The following EEF1AKMT4 variants were observed in gnomAD, a reference collection of about 807,000 sequenced individuals.
EEF1AKMT4 encodes eukaryotic translation elongation factor 1 alpha lysine specific methyltransferase 4.
Under a neutral mutation model 23.0 loss-of-function variants are expected in EEF1AKMT4, and 17 were observed. The ratio of observed to expected loss-of-function variants is 0.74; its 90% confidence interval spans 0.51 to 1.11. The LOEUF (loss-of-function observed/expected upper bound fraction) is 1.11, where lower values mean the gene tolerates loss of function less well. Among genes scored for constraint, EEF1AKMT4 ranks in the 50% least tolerant of loss-of-function variants. EEF1AKMT4 has a pLI of 0.00. For missense variants in EEF1AKMT4, 318 were observed against 333.4 expected (o/e 0.95, Z 0.36); for synonymous variants, 140 against 141.4 (o/e 0.99, Z 0.07).
chr3:184,255,727 C>T (rs980786272), intron 1 of EEF1AKMT4, among the ~76,000 whole-genome samples: 14 of 152,228 alleles, frequency 9.2e-5, no homozygotes, highest in Non-Finnish European at 7.3e-5. Context: ...CCAGGCACTT[C>T]CTACCAGAGT....
chr3:184,257,786 T>C, intron 2 of EEF1AKMT4, 30 bp downstream of exon 2: 1 of 1,589,004 alleles, frequency 6.3e-7, no homozygotes, highest in Middle Eastern at 2.0e-4. Context: ...GGAAAGCAGA[T>C]CAATAGGTGG....
At position 184,249,791 on chromosome 3, in the gene EEF1AKMT4, G is replaced by T. The variant is rs1193109111; in HGVS notation, c.97G>T (p.Ala33Ser). The T allele has an allele frequency of 3.7e-6, 6 of 1,613,198 alleles. No homozygotes were observed. In the Admixed American group the frequency reaches 1.0e-4, roughly 27 times the overall value. ...VEYWDQRYQG[A>S]ADSAPYDWFG... is the part of the protein sequence containing the mutation. Reference sequence around the variant, plus strand: ...GTACTGGGATCAGCGCTACCAAGGCGCAGCCGATTCTGCCCCCTACGATTG... The same window carrying T: ...GTACTGGGATCAGCGCTACCAAGGCTCAGCCGATTCTGCCCCCTACGATTG... The change falls in exon 1 of 3, where the codon GCA becomes TCA. Residue 33 changes from alanine (A) to serine (S), a missense_variant. Coordinates refer to ENST00000324557, the MANE Select transcript of EEF1AKMT4 (RefSeq NM_032331.4).
intron 1 of EEF1AKMT4, among the ~76,000 whole-genome samples, chr3:184,252,873 G>A (rs1560169834): frequency 6.6e-6 from 1 of 150,888 alleles, no homozygotes; most frequent in Non-Finnish European, 1.5e-5. Context: ...CTTGAACCAG[G>A]GAGGCGGAGG....
intron 1 of EEF1AKMT4, among the ~76,000 whole-genome samples, chr3:184,255,497 G>A (rs1482880395): frequency 6.6e-6 from 1 of 152,182 alleles, no homozygotes; most frequent in Non-Finnish European, 1.5e-5. Flanking sequence ...AGGCAAGTGG[G>A]GATTAAAGGA....
Position 184,253,506 on chromosome 3 carries a change from A to C in EEF1AKMT4, c.196+3616A>C, listed in dbSNP as rs371458216. 7.9e-5 allele frequency among the ~76,000 whole-genome samples: 12 copies of C among 152,258 alleles called. No individual in the cohort carries two copies. The East Asian group carries it at 1.9e-3, about 24-fold the overall frequency. ...ACTGAAGGTGAGTGGGCCTCTTGAA[A>C]ACTGGGAGGCAGTTGAACACAGTGG... On this transcript the variant is annotated intron_variant, in intron 1 of 2. Coordinates refer to ENST00000324557, the MANE Select transcript of EEF1AKMT4 (RefSeq NM_032331.4).
chr3:184,249,998 C>T (rs1719452913), intron 1 of EEF1AKMT4, 108 bp downstream of exon 1: 2 of 1,266,126 alleles, frequency 1.6e-6, no homozygotes, highest in South Asian at 2.9e-5. Flanking sequence ...TTGGAGGACG[C>T]CTGCGTTGGG....
chr3:184,256,510 T>C (rs1719815366), intron 1 of EEF1AKMT4, among the ~76,000 whole-genome samples: 1 of 152,186 alleles, frequency 6.6e-6, no homozygotes, highest in South Asian at 2.1e-4. Context: ...AATATTATGG[T>C]CCTAATGATA....
chr3:184,252,309 G>T (rs1361025364), intron 1 of EEF1AKMT4, among the ~76,000 whole-genome samples: 1 of 152,118 alleles, frequency 6.6e-6, no homozygotes. Flanking sequence ...GGGGCAAGAA[G>T]TCTAAAAATC....
intron 1 of EEF1AKMT4, among the ~76,000 whole-genome samples, chr3:184,254,570 G>A (rs1294524864): frequency 8.0e-5 from 12 of 150,862 alleles, no homozygotes; most frequent in African/African-American, 1.5e-4. Context: ...GAAATTAGCC[G>A]GGCGTGGTGG....
chr3:184,251,129 G>T (rs1226631962), intron 1 of EEF1AKMT4, among the ~76,000 whole-genome samples: 1 of 151,410 alleles, frequency 6.6e-6, no homozygotes, highest in Non-Finnish European at 1.5e-5. Context: ...CTCTGGGCTG[G>T]CCTCATGATT....
intron 1 of EEF1AKMT4, 33 bp downstream of exon 1, chr3:184,249,923 A>G (rs1261783870): frequency 3.8e-5 from 60 of 1,596,062 alleles, no homozygotes; most frequent in Non-Finnish European, 5.1e-5. Context: ...CGCCAGGTAG[A>G]GCTGGCAGGA....
rs758888625 is a variant in EEF1AKMT4, at chr3:184,258,335, T to G, written c.528T>G (p.Ser176=). The change falls in exon 3 of 3, where the codon TCT becomes TCG. Residue 176 remains serine (S), a synonymous_variant. Coordinates refer to ENST00000324557, the MANE Select transcript of EEF1AKMT4 (RefSeq NM_032331.4). ...VPGGRFISMT[S]AAPHFRTRHY... ...GAGGCCGGTTTATCTCAATGACTTC[T>G]GCTGCCCCCCACTTTCGGACCAGAC... 7.4e-6 allele frequency: 12 copies of G among 1,613,596 alleles called. No homozygotes were observed. In the African/African-American group the frequency reaches 1.6e-4, roughly 22 times the overall value.
chr3:184,257,622 A>G lies in EEF1AKMT4; in HGVS notation c.346A>G (p.Lys116Glu). 1 of 1,614,140 alleles carries G rather than the reference A, an allele frequency of 6.2e-7. No individual in the cohort carries two copies. Among genetic ancestry groups the G allele is most frequent in the South Asian group, 1.1e-5 (1 of 91,084 alleles). ...GCGCTGGGAGACCATGGATGTGCGG[A>G]AGCTGGACTTCCCCAGTGCTTCTTT... ...QLRWETMDVRKLDFPSASFDV... is the reference protein window; with the variant it reads ...QLRWETMDVRELDFPSASFDV... The change falls in exon 2 of 3, where the codon AAG becomes GAG. Residue 116 changes from lysine (K) to glutamate (E), a missense_variant. Lys to Glu is a moderately conservative substitution (Grantham distance 56). Coordinates refer to ENST00000324557, the MANE Select transcript of EEF1AKMT4 (RefSeq NM_032331.4).
rs1719440591 is a variant in EEF1AKMT4 at position 184,249,845 on chromosome 3, C to G, written c.151C>G (p.Leu51Val). Residue 51 changes from leucine to valine, a missense_variant, in exon 1 of 3, where the codon CTC becomes GTC. Coordinates refer to ENST00000324557, the MANE Select transcript of EEF1AKMT4 (RefSeq NM_032331.4). ...WFGDFSSFRA[L>V]LEPELRPEDR... ...CGGGGACTTCTCCTCCTTCCGTGCC[C>G]TCCTAGAGCCGGAGCTGCGGCCCGA... The G allele has an allele frequency of 6.2e-7, 1 of 1,612,930 alleles. No individual in the cohort carries two copies. Among genetic ancestry groups the G allele is most frequent in the Admixed American group, 1.7e-5 (1 of 60,012 alleles).
At position 184,254,299 on chromosome 3, in the gene EEF1AKMT4, G is replaced by T. The variant is rs1016898198; in HGVS notation, c.197-3174G>T. On this transcript the variant is annotated intron_variant, in intron 1 of 2. Transcript: ENST00000324557. ...ATCTTCTTGTTTTTTTAGAGACAGG[G>T]TATTGCTCTGTCCCCAGGCTGGAGT... Among the ~76,000 whole-genome samples the T allele has an allele frequency of 2.0e-5, 3 of 151,546 alleles. No individual in the cohort carries two copies. In the East Asian group the frequency reaches 5.9e-4, roughly 30 times the overall value.
In EEF1AKMT4 at chr3:184,258,461, T is replaced by TG; in HGVS notation, c.655dup (p.Val219GlyfsTer29). The TG allele has an allele frequency of 6.2e-7, 1 of 1,613,878 alleles. No individual in the cohort carries two copies. The highest frequency in any genetic ancestry group is 2.2e-5 in the East Asian group (1 of 44,876). ...TCATGCACAAGGGCGGGAAGCTCAGTGTGGCCCAGCTGGCTCTGGGGGCCC... is the reference window on the plus strand; with the variant it reads ...TCATGCACAAGGGCGGGAAGCTCAGTGGTGGCCCAGCTGGCTCTGGGGGCCC... On this transcript the variant is annotated frameshift_variant, in exon 3 of 3. Transcript: ENST00000324557. LOFTEE classifies it high-confidence loss of function.
intron 1 of EEF1AKMT4, among the ~76,000 whole-genome samples, chr3:184,252,384 C>T (rs1403002534): frequency 2.0e-5 from 3 of 152,182 alleles, no homozygotes; most frequent in East Asian, 1.9e-4. Flanking sequence ...AAATACTCTA[C>T]GTTACATTCC....
intron 1 of EEF1AKMT4, among the ~76,000 whole-genome samples, chr3:184,254,630 G>A (rs955927127): frequency 1.5e-4 from 23 of 151,032 alleles, no homozygotes; most frequent in Non-Finnish European, 2.2e-4. Flanking sequence ...GGAGAATGGC[G>A]TGAACCTGGG....
intron 1 of EEF1AKMT4, among the ~76,000 whole-genome samples, chr3:184,252,279 C>T (rs1232202756): frequency 6.6e-6 from 1 of 152,152 alleles, no homozygotes; most frequent in Non-Finnish European, 1.5e-5. Flanking sequence ...TAACTGGGAA[C>T]TATCCTTTTC....
Sources: allele counts gnomAD v4.1 joint callset (sites outside exome capture counted in the v4.1 genomes callset), GRCh38; gene constraint gnomAD v4.1.1; transcripts MANE v1.5; gene names NCBI Gene and HGNC (gene_info 2026-07-23, HGNC 2026-07-21).